Variants in WDR35 observed in about 807,000 individuals in gnomAD.
The protein encoded by WDR35 is WD repeat-containing protein 35.
In WDR35, 118 loss-of-function variants were observed where a neutral mutation model predicts 158.3. That is an observed-to-expected ratio of 0.75 (90% CI 0.64 to 0.87). The LOEUF (loss-of-function observed/expected upper bound fraction) is 0.87. Ranked by LOEUF, WDR35 falls within the 40% of genes least tolerant of loss-of-function variation. WDR35 has a pLI of 0.00. For synonymous variants in WDR35, 448 were observed against 476.1 expected (o/e 0.94, Z 0.77); for missense variants, 1,263 against 1,405.8 (o/e 0.90, Z 1.62).
intron 25 of WDR35, among the ~76,000 whole-genome samples, chr2:19,923,856 G>C (rs551453206): frequency 1.3e-5 from 2 of 152,332 alleles, no homozygotes; most frequent in South Asian, 4.1e-4. Flanking sequence ...CTATAAATCA[G>C]TATGGACCAG....
chr2:19,971,034 TAATTTAA>T (rs1460545574), intron 8 of WDR35, among the ~76,000 whole-genome samples: 1 of 149,924 alleles, frequency 6.7e-6, no homozygotes, highest in African/African-American at 2.5e-5. Context: ...CAAATTTTTT[TAATTTAA>T]AATTTAAAAT....
rs755580904 is a variant in WDR35 at position 19,966,785 on chromosome 2, G to C, written c.1133C>G (p.Ser378Cys). 12 of 1,613,892 alleles carry C rather than the reference G, an allele frequency of 7.4e-6. No homozygotes were observed. The highest frequency in any genetic ancestry group is 9.3e-6 in the Non-Finnish European group (11 of 1,179,960). Residue 378 changes from serine to cysteine, a missense_variant, in exon 10 of 27, where the codon TCT becomes TGT. Transcript: ENST00000281405. The stretch of plus-strand genomic sequence containing the variant: ...GCAGAAATCTCCACAGGTAGTAATA[G>C]AAATGAGACCCTTCACATATTTAAC... Reference protein sequence around the residue: ...KYVKYVKGLISITTCGDFCIL... With the variant: ...KYVKYVKGLICITTCGDFCIL...
chr2:19,973,742 GA>G, intron 7 of WDR35, 34 bp from the exon 8 acceptor site: 2 of 1,596,814 alleles, frequency 1.3e-6, no homozygotes, highest in African/African-American at 2.7e-5. Flanking sequence ...GTCACTGTGG[GA>G]AAATACGTAG....
intron 7 of WDR35, 95 bp downstream of exon 7, chr2:19,974,373 C>T: frequency 1.6e-6 from 2 of 1,277,992 alleles, no homozygotes; most frequent in South Asian, 3.0e-5. Context: ...CGTGCCACTG[C>T]ACTCCAGCCT....
intron 8 of WDR35, among the ~76,000 whole-genome samples, chr2:19,972,415 T>A (rs1672059659): frequency 6.6e-6 from 1 of 151,980 alleles, no homozygotes; most frequent in Non-Finnish European, 1.5e-5. Context: ...CTAACAAAAA[T>A]AAGCAGATAA....
rs750915204 is a variant in WDR35 at position 19,931,344 on chromosome 2, T to G, written c.2889A>C (p.Ser963=). 6.2e-7 allele frequency: 1 copy of G among 1,613,426 alleles called. No homozygotes were observed. Among genetic ancestry groups the G allele is most frequent in the East Asian group, 2.2e-5 (1 of 44,746 alleles). The part of the protein sequence containing the change: ...PLRVKKLYVL[S]ALLIEQYHEQ... ...CATGGTATTGCTCTATAAGTAAGGCTGACAGTACATAGAGCTTCTTGACAC... is the reference window on the plus strand; with the variant it reads ...CATGGTATTGCTCTATAAGTAAGGCGGACAGTACATAGAGCTTCTTGACAC... The change falls in exon 24 of 27, where the codon TCA becomes TCC. Residue 963 remains serine (S), a synonymous_variant. Transcript: ENST00000281405.
Position 19,912,288 on chromosome 2 carries a change from G to C in WDR35, c.*1270C>G, listed in dbSNP as rs568999408. 1 of 152,138 alleles carries C rather than the reference G, an allele frequency of 6.6e-6. No individual in the cohort carries two copies. Among genetic ancestry groups the C allele is most frequent in the African/African-American group, 2.4e-5 (1 of 41,430 alleles). The allele number at this position is 152,138 out of a possible 1,614,324, so 9.4% of individuals were successfully genotyped here. The stretch of plus-strand genomic sequence containing the variant: ...TTCCATGACCTCTGGAATAGCTTGC[G>C]AGGCAGTCTATTTAGAGGCTACCAT... On this transcript the variant is annotated 3_prime_UTR_variant, in exon 27 of 27. Transcript: ENST00000281405.
intron 25 of WDR35, among the ~76,000 whole-genome samples, chr2:19,928,287 T>C (rs1303178709): frequency 6.6e-6 from 1 of 152,268 alleles, no homozygotes; most frequent in East Asian, 1.9e-4. Context: ...CATCCCTTCG[T>C]TTCCCATAAG....
At chr2:19,914,662 T>C (rs1214506102) in intron 25 of WDR35, among the ~76,000 whole-genome samples, 1 of 152,178 alleles carries the variant, frequency 6.6e-6, no homozygotes, top group Non-Finnish European at 1.5e-5. Context: ...TGCAAGATAA[T>C]ACCATGTTTC....
chr2:19,985,697 A>C (rs1672540412), intron 2 of WDR35, among the ~76,000 whole-genome samples: 1 of 150,954 alleles, frequency 6.6e-6, no homozygotes, highest in Non-Finnish European at 1.5e-5. Context: ...CATCCTGGCT[A>C]ACACGGTGAA....
chr2:19,976,072 A>C (rs890349529), intron 5 of WDR35, among the ~76,000 whole-genome samples: 1 of 152,190 alleles, frequency 6.6e-6, no homozygotes, highest in African/African-American at 2.4e-5. Flanking sequence ...TCCCCTATCC[A>C]AGGCTAATTC....
At chr2:19,923,202 T>C (rs1670233918) in intron 25 of WDR35, among the ~76,000 whole-genome samples, 1 of 152,176 alleles carries the variant, frequency 6.6e-6, no homozygotes, top group South Asian at 2.1e-4. Flanking sequence ...TGTGTGTGTG[T>C]TTTTAATTCC....
intron 25 of WDR35, among the ~76,000 whole-genome samples, chr2:19,919,588 T>C (rs1670104933): frequency 6.6e-6 from 1 of 152,148 alleles, no homozygotes; most frequent in South Asian, 2.1e-4. Context: ...TAAAGCAGTG[T>C]GTAGAGGAAA....
At chr2:19,919,923 C>G (rs1197632614) in intron 25 of WDR35, among the ~76,000 whole-genome samples, 2 of 152,154 alleles carry the variant, frequency 1.3e-5, no homozygotes, top group Non-Finnish European at 2.9e-5. Context: ...CACAGAAATA[C>G]AGACTACCAC....
At chr2:19,916,312 C>T (rs533322514) in intron 25 of WDR35, among the ~76,000 whole-genome samples, 10 of 152,302 alleles carry the variant, frequency 6.6e-5, no homozygotes, top group African/African-American at 1.9e-4. Flanking sequence ...ACTGGGCGGC[C>T]GTTTGAGCTG....
At chr2:19,960,123 TG>T (rs1671589852) in intron 11 of WDR35, among the ~76,000 whole-genome samples, 1 of 152,066 alleles carries the variant, frequency 6.6e-6, no homozygotes, top group Non-Finnish European at 1.5e-5. Context: ...GCAGCCAAAG[TG>T]TTTTTATGGA....
intron 17 of WDR35, among the ~76,000 whole-genome samples, chr2:19,941,187 T>C (rs1670860601): frequency 6.6e-6 from 1 of 152,120 alleles, no homozygotes. Context: ...CTCAGTATAT[T>C]CTTAGAGAAA....
rs1670555348 is a variant in WDR35 at position 19,932,443 on chromosome 2, T to C, written c.2663A>G (p.Asn888Ser). Residue 888 changes from asparagine (N) to serine (S), a missense_variant, in exon 23 of 27, where the codon AAC becomes AGC. Coordinates refer to ENST00000281405, the MANE Select transcript of WDR35 (RefSeq NM_020779.4). ...ATTTTTAGCCAATTCAACAGCTTTG[T>C]TCCACTAGGAGAAAAATTACACCAT... Reference protein sequence around the residue: ...VDTCVHLNQWNKAVELAKNHS... With the variant: ...VDTCVHLNQWSKAVELAKNHS... The C allele has an allele frequency of 1.9e-6, 3 of 1,613,238 alleles. No homozygotes were observed. The highest frequency in any genetic ancestry group is 2.5e-6 in the Non-Finnish European group (3 of 1,179,470).
At chr2:19,976,020 C>T (rs915069905) in intron 5 of WDR35, among the ~76,000 whole-genome samples, 5 of 152,160 alleles carry the variant, frequency 3.3e-5, no homozygotes, top group South Asian at 2.1e-4. Context: ...ACACTTTCTG[C>T]GTTGCCCACT....
Sources: allele counts gnomAD v4.1 joint callset (sites outside exome capture counted in the v4.1 genomes callset), GRCh38; gene constraint gnomAD v4.1.1; transcripts MANE v1.5; gene names NCBI Gene and HGNC (gene_info 2026-07-23, HGNC 2026-07-21).